Variants in KIRREL3 observed in about 807,000 individuals in gnomAD.
KIRREL3 encodes the protein kin of IRRE-like protein 3.
KIRREL3 carries 36 observed loss-of-function variants against 89.7 expected under a neutral mutation model. The ratio of observed to expected loss-of-function variants is 0.40; its 90% CI spans 0.31 to 0.53. The LOEUF is 0.53. Ranked by LOEUF, KIRREL3 falls within the 20% of genes least tolerant of loss-of-function variation. KIRREL3 has a pLI of 0.49. For missense variants in KIRREL3, 864 were observed against 1,056.6 expected, an observed-to-expected ratio of 0.82 and a Z score of 2.53; for synonymous variants, 445 against 441.4, an observed-to-expected ratio of 1.01 and a Z score of -0.10.
chr11:126,458,974 G>C (rs939275488), intron 6 of KIRREL3, among the ~76,000 whole-genome samples: 1 of 152,234 alleles, frequency 6.6e-6, no homozygotes. Context: ...GGCGTCCGTG[G>C]GACCCTACCT....
Position 126,605,128 on chromosome 11 carries a change from G to T in KIRREL3, c.56-42216C>A, listed in dbSNP as rs991621129. ...GCCCTTTCTCCTTGGCTCCTCCCAC[G>T]CTCTTGGCTTTTCTCCTGGATTCCC... On this transcript the variant is annotated intron_variant, in intron 1 of 16. Coordinates refer to ENST00000525144, the MANE Select transcript of KIRREL3 (RefSeq NM_032531.4). The surrounding 1 kb of genome is among the most constrained non-coding windows in gnomAD (Gnocchi z 5.7). 6.6e-6 allele frequency among the ~76,000 whole-genome samples: 1 copy of T among 152,076 alleles called. No individual in the cohort carries two copies. Among genetic ancestry groups the T allele is most frequent in the South Asian group, 2.1e-4 (1 of 4,816 alleles).
chr11:126,668,616 G>GC lies in KIRREL3; in HGVS notation c.56-105705dup, dbSNP rs553768253. Among the ~76,000 whole-genome samples the GC allele has an allele frequency of 1.0e-3, 153 of 152,142 alleles. 1 individual carries two copies. Among genetic ancestry groups the GC allele is most frequent in the Non-Finnish European group, 1.9e-3 (130 of 67,998 alleles). Reference sequence around the variant, plus strand: ...CCCACTTCTCTAGGATGACAGAGAGGCCCCCCTTCTCGGTTTTCTCAGATA... The same window carrying GC: ...CCCACTTCTCTAGGATGACAGAGAGGCCCCCCCTTCTCGGTTTTCTCAGATA... On this transcript the variant is annotated intron_variant, in intron 1 of 16. Transcript: ENST00000525144. The surrounding 1 kb of genome is among the most constrained non-coding windows in gnomAD (Gnocchi z 4.4).
At chr11:126,470,911 C>T (rs533122308) in intron 5 of KIRREL3, among the ~76,000 whole-genome samples, 3 of 152,334 alleles carry the variant, frequency 2.0e-5, no homozygotes, top group East Asian at 1.9e-4. Flanking sequence ...CCTCATTCAT[C>T]TTAGAGGCTC....
Position 126,463,071 on chromosome 11 carries a change from C to T in KIRREL3, c.742+86G>A, listed in dbSNP as rs756337303. 2 of 1,337,570 alleles carry T rather than the reference C, an allele frequency of 1.5e-6. No individual in the cohort carries two copies. Among genetic ancestry groups the T allele is most frequent in the African/African-American group, 1.4e-5 (1 of 69,554 alleles). The allele number at this position is 1,337,570 out of a possible 1,614,324, so 82.9% of individuals were successfully genotyped here. A position where few individuals can be genotyped will look rare whatever the true frequency, so the allele number is the denominator to read the frequency against. Reference sequence around the variant, plus strand: ...AGCTGCCTGACCCATTTCCTGCTATCAGATGGGCCAGGCTATGGTCAGGGT... The same window carrying T: ...AGCTGCCTGACCCATTTCCTGCTATTAGATGGGCCAGGCTATGGTCAGGGT... On this transcript the variant is annotated intron_variant, in intron 6 of 16. Transcript: ENST00000525144. This position sits in a 1 kb window ranked among gnomAD's most constrained non-coding sequence, Gnocchi z 5.9.
intron 1 of KIRREL3, among the ~76,000 whole-genome samples, chr11:126,785,016 T>C (rs1433940993): frequency 1.3e-5 from 2 of 152,000 alleles, no homozygotes; most frequent in Admixed American, 1.3e-4. Flanking sequence ...AAAAGCCCAG[T>C]GTGTTAAGGG....
chr11:126,653,358 C>A lies in KIRREL3; in HGVS notation c.56-90446G>T, dbSNP rs1285052819. Among the ~76,000 whole-genome samples, 1 of 149,366 alleles carries A rather than the reference C, an allele frequency of 6.7e-6. No individual in the cohort carries two copies. The highest frequency in any genetic ancestry group is 1.5e-5 in the Non-Finnish European group (1 of 66,512). On this transcript the variant is annotated intron_variant, in intron 1 of 16. Coordinates refer to ENST00000525144, the MANE Select transcript of KIRREL3 (RefSeq NM_032531.4). This position sits in a 1 kb window ranked among gnomAD's most constrained non-coding sequence, Gnocchi z 5.4. ...AGCTGGACCCGCCCAGGAAGCCAAGCCCCTGTGCTGCCTCAGTTTGTAAGT... is the reference window on the plus strand; with the variant it reads ...AGCTGGACCCGCCCAGGAAGCCAAGACCCTGTGCTGCCTCAGTTTGTAAGT...
In KIRREL3 at chr11:126,436,888, TCGG is replaced by T. The variant is rs1955363180; in HGVS notation, c.1472_1474del (p.Ala491del). On this transcript the variant is annotated inframe_deletion, in exon 12 of 17. Transcript: ENST00000525144. ...CGTGCAGTTGTAGATGGTCTGGAAG[TCGG>T]CCCGCACGATGTTGCTGATGGTCAG... 6.2e-7 allele frequency: 1 copy of T among 1,613,640 alleles called. No homozygotes were observed. Among genetic ancestry groups the T allele is most frequent in the Admixed American group, 1.7e-5 (1 of 60,014 alleles).
intron 1 of KIRREL3, among the ~76,000 whole-genome samples, chr11:126,874,840 A>G (rs1945220766): frequency 1.3e-5 from 2 of 152,178 alleles, no homozygotes; most frequent in African/African-American, 4.8e-5. Context: ...GCAACGTCAG[A>G]CACAGCCTGG....
Position 126,555,396 on chromosome 11 carries a change from G to A in KIRREL3, c.133+7439C>T, listed in dbSNP as rs564979387. ...TGTATATGTACAAACTGAACTCAGA[G>A]CTCTGAAAGGAAGGATCTGGTTCTA... is the stretch of plus-strand genomic sequence containing the variant. On this transcript the variant is annotated intron_variant, in intron 2 of 16. Coordinates refer to ENST00000525144, the MANE Select transcript of KIRREL3 (RefSeq NM_032531.4). The surrounding 1 kb of genome is among the most constrained non-coding windows in gnomAD (Gnocchi z 4.2). 6.6e-6 allele frequency among the ~76,000 whole-genome samples: 1 copy of A among 152,310 alleles called. No homozygotes were observed. The highest frequency in any genetic ancestry group is 1.9e-4 in the East Asian group (1 of 5,180).
intron 1 of KIRREL3, among the ~76,000 whole-genome samples, chr11:126,942,428 A>G (rs1472496595): frequency 6.6e-6 from 1 of 152,096 alleles, no homozygotes; most frequent in Non-Finnish European, 1.5e-5. Context: ...CAAGGTAACA[A>G]AGTGACCTCA....
At chr11:126,846,865 A>C (rs1944160421) in intron 1 of KIRREL3, among the ~76,000 whole-genome samples, 1 of 152,186 alleles carries the variant, frequency 6.6e-6, no homozygotes, top group South Asian at 2.1e-4. Context: ...TAAAAAAATT[A>C]GTCTTGTAAA....
Position 126,516,117 on chromosome 11 carries a change from C to T in KIRREL3, c.433+5198G>A, listed in dbSNP as rs750705307. Among the ~76,000 whole-genome samples the T allele has an allele frequency of 8.5e-5, 13 of 152,206 alleles. No homozygotes were observed. Among genetic ancestry groups the T allele is most frequent in the Non-Finnish European group, 1.8e-4 (12 of 68,038 alleles). On this transcript the variant is annotated intron_variant, in intron 4 of 16. Coordinates refer to ENST00000525144, the MANE Select transcript of KIRREL3 (RefSeq NM_032531.4). The surrounding 1 kb of genome is among the most constrained non-coding windows in gnomAD (Gnocchi z 4.9). ...AAACAAACTAGTTAAGGACACGTCA[C>T]AGATTGGACCTTATCTGTTTTCCTC...
chr11:126,678,668 G>A (rs1452636337), intron 1 of KIRREL3, among the ~76,000 whole-genome samples: 2 of 149,750 alleles, frequency 1.3e-5, no homozygotes, highest in African/African-American at 4.9e-5. Flanking sequence ...TGATAGAGGA[G>A]TCAGATCCCT....
rs1474177167 is a variant in KIRREL3 at position 126,773,222 on chromosome 11, T to C, written c.56-210310A>G. 1.3e-5 allele frequency among the ~76,000 whole-genome samples: 2 copies of C among 152,216 alleles called. No individual in the cohort carries two copies. Among genetic ancestry groups the C allele is most frequent in the African/African-American group, 4.8e-5 (2 of 41,462 alleles). ...ATGTTTTGTCAAACATTCTGGATGT[T>C]TCTGTGAAGGTGTTTCAGGATGAGG... On this transcript the variant is annotated intron_variant, in intron 1 of 16. Coordinates refer to ENST00000525144, the MANE Select transcript of KIRREL3 (RefSeq NM_032531.4). This position sits in a 1 kb window ranked among gnomAD's most constrained non-coding sequence, Gnocchi z 4.2.
chr11:126,846,253 G>A (rs529609164), intron 1 of KIRREL3, among the ~76,000 whole-genome samples: 2 of 152,168 alleles, frequency 1.3e-5, no homozygotes, highest in East Asian at 3.9e-4. Context: ...TGCTTATTAG[G>A]CCCTAGAAAC....
Position 126,485,979 on chromosome 11 carries a change from C to T in KIRREL3, c.434-12513G>A, listed in dbSNP as rs545725978. Among the ~76,000 whole-genome samples the T allele has an allele frequency of 2.0e-5, 3 of 152,318 alleles. No homozygotes were observed. The highest frequency in any genetic ancestry group is 6.5e-5 in the Admixed American group (1 of 15,302). On this transcript the variant is annotated intron_variant, in intron 4 of 16. Transcript: ENST00000525144. This position sits in a 1 kb window ranked among gnomAD's most constrained non-coding sequence, Gnocchi z 5.8. ...GGTCAAAGTCAGCAGTGGCTTGGTT[C>T]GCTCCTTAAATTAGGAAGGGTGAAT...
rs990461301 is a variant in KIRREL3, at chr11:126,574,513, C to T, written c.56-11601G>A. Among the ~76,000 whole-genome samples the T allele has an allele frequency of 1.3e-5, 2 of 152,170 alleles. No homozygotes were observed. Among genetic ancestry groups the T allele is most frequent in the Non-Finnish European group, 2.9e-5 (2 of 68,030 alleles). On this transcript the variant is annotated intron_variant, in intron 1 of 16. Coordinates refer to ENST00000525144, the MANE Select transcript of KIRREL3 (RefSeq NM_032531.4). This position sits in a 1 kb window ranked among gnomAD's most constrained non-coding sequence, Gnocchi z 5.3. ...TAAGAACATGAAAGTTTATTTACCA[C>T]GAGGCCAGCCCAGTGGGAGGCAGAT...
chr11:126,857,755 G>C (rs1295719716), intron 1 of KIRREL3, among the ~76,000 whole-genome samples: 1 of 141,554 alleles, frequency 7.1e-6, no homozygotes, highest in African/African-American at 2.6e-5. Context: ...ATCAGCCAAT[G>C]CGTGTGGGAG....
intron 1 of KIRREL3, among the ~76,000 whole-genome samples, chr11:126,673,660 G>A (rs1946057858): frequency 6.6e-6 from 1 of 152,238 alleles, no homozygotes; most frequent in Non-Finnish European, 1.5e-5. Context: ...CATCACACGT[G>A]TGCCTTCCAT....
Sources: gnomAD v4.1 joint callset for allele counts (sites outside exome capture counted in the v4.1 genomes callset) on GRCh38, gnomAD v4.1.1 for gene constraint, Gnocchi (gnomAD v3.1) non-coding constraint, MANE v1.5 for transcripts, NCBI Gene and HGNC (gene_info 2026-07-23, HGNC 2026-07-21) for gene names.